FGD6: variants seen among roughly 807,000 people sequenced by gnomAD.
FGD6 encodes the protein FYVE, RhoGEF and PH domain containing 6, also known as FYVE, RhoGEF and PH domain-containing protein 6.
FGD6 carries 90 observed loss-of-function variants against 149.4 expected under a neutral mutation model. The ratio of observed to expected loss-of-function variants is 0.60; its 90% confidence interval spans 0.51 to 0.72. FGD6 has a LOEUF of 0.72. FGD6 is among the 30% of genes least tolerant of loss of function. The pLI is 0.00. For missense variants in FGD6, 1,437 were observed against 1,684.8 expected, an observed-to-expected ratio of 0.85 and a Z score of 2.57; for synonymous variants, 527 against 584.0, an observed-to-expected ratio of 0.90 and a Z score of 1.41.
At chr12:95,113,030 G>C (rs1018400883) in intron 9 of FGD6, among the ~76,000 whole-genome samples, 1 of 152,060 alleles carries the variant, frequency 6.6e-6, no homozygotes, top group Non-Finnish European at 1.5e-5. Flanking sequence ...CACGGGCACA[G>C]AGTGACTGAG....
chr12:95,184,747 A>C (rs1881379018), intron 2 of FGD6, among the ~76,000 whole-genome samples: 1 of 151,798 alleles, frequency 6.6e-6, no homozygotes, highest in African/African-American at 2.4e-5. Flanking sequence ...AAGCCCAACT[A>C]ATTTTTTATA....
Position 95,092,764 on chromosome 12 carries a change from A to G in FGD6, c.3682T>C (p.Cys1228Arg), listed in dbSNP as rs1878099924. 1 of 1,614,034 alleles carries G rather than the reference A, an allele frequency of 6.2e-7. No individual in the cohort carries two copies. The highest frequency in any genetic ancestry group is 1.3e-5 in the African/African-American group (1 of 74,918). Residue 1228 changes from cysteine to arginine, a missense_variant, in exon 16 of 21, where the codon TGT (cysteine) becomes CGT (arginine). This residue lies in a region of FGD6 where 382 missense variants were observed against 538.7 expected (regional missense o/e 0.71). Coordinates refer to ENST00000343958, the MANE Select transcript of FGD6 (RefSeq NM_018351.4). Reference sequence around the variant, plus strand: ...GTGAATTCGCTTGTGCAGATCATACACATTGTGGCTCTGGTATCAGGAATC... The same window carrying G: ...GTGAATTCGCTTGTGCAGATCATACGCATTGTGGCTCTGGTATCAGGAATC... ...IWIPDTRATM[C>R]MICTSEFTLT...
chr12:95,108,262 A>G, intron 11 of FGD6, 86 bp downstream of exon 11: 3 of 1,203,546 alleles, frequency 2.5e-6, no homozygotes, highest in South Asian at 2.9e-5. Context: ...AACAAAAACA[A>G]CCTATTTTTA....
chr12:95,199,293 A>C (rs1344637888), intron 2 of FGD6, among the ~76,000 whole-genome samples: 8 of 152,198 alleles, frequency 5.3e-5, no homozygotes, highest in Non-Finnish European at 5.9e-5. Flanking sequence ...TGATTCCTTT[A>C]GTTCTAAACT....
Position 95,092,724 on chromosome 12 carries a change from C to T in FGD6, c.3722G>A (p.Arg1241Gln), listed in dbSNP as rs1223472841. Residue 1241 changes from arginine (R) to glutamine (Q), a missense_variant, in exon 16 of 21, where the codon CGA becomes CAA. Around this residue, in one of 2 missense-constraint regions of FGD6, gnomAD observed 382 missense variants for 538.7 expected, o/e 0.71. Coordinates refer to ENST00000343958, the MANE Select transcript of FGD6 (RefSeq NM_018351.4). ...CTSEFTLTWRRHHCRACGKIV... is the reference protein window; with the variant it reads ...CTSEFTLTWRQHHCRACGKIV... Reference sequence around the variant, plus strand: ...CTTTCCACAGGCCCGGCAGTGGTGTCGTCTCCAGGTGAGAGTGAATTCGCT... The same window carrying T: ...CTTTCCACAGGCCCGGCAGTGGTGTTGTCTCCAGGTGAGAGTGAATTCGCT... 3 of 1,614,070 alleles carry T rather than the reference C, an allele frequency of 1.9e-6. No individual in the cohort carries two copies. The highest frequency in any genetic ancestry group is 2.2e-5 in the East Asian group (1 of 44,882).
At chr12:95,089,223 T>TAAATGCTAACA (rs1877972295) in intron 18 of FGD6, among the ~76,000 whole-genome samples, 1 of 152,224 alleles carries the variant, frequency 6.6e-6, no homozygotes, top group Non-Finnish European at 1.5e-5. Flanking sequence ...TGCAGATCAC[T>TAAATGCTAACA]AAATGCTAAC....
chr12:95,098,347 A>T (rs971612589), intron 14 of FGD6, among the ~76,000 whole-genome samples: 1 of 152,184 alleles, frequency 6.6e-6, no homozygotes, highest in African/African-American at 2.4e-5. Context: ...TCCATGCAGC[A>T]GCCGGATACT....
At chr12:95,178,380 G>C (rs755361108) in intron 2 of FGD6, among the ~76,000 whole-genome samples, 30 of 152,164 alleles carry the variant, frequency 2.0e-4, no homozygotes, top group Non-Finnish European at 4.0e-4. Flanking sequence ...CCTGAGTGCT[G>C]GTAGGTAAAG....
intron 8 of FGD6, among the ~76,000 whole-genome samples, chr12:95,131,265 T>C (rs1879513208): frequency 6.6e-6 from 1 of 152,026 alleles, no homozygotes; most frequent in South Asian, 2.1e-4. Flanking sequence ...TGTGCCACCA[T>C]GCCTGGCTGA....
chr12:95,095,090 C>T (rs1452239971), intron 14 of FGD6, among the ~76,000 whole-genome samples: 4 of 152,168 alleles, frequency 2.6e-5, no homozygotes, highest in African/African-American at 7.2e-5. Context: ...AGTCAAGTTT[C>T]AAATTCCAAT....
chr12:95,090,507 A>C (rs1450152645), intron 17 of FGD6, among the ~76,000 whole-genome samples: 1 of 152,204 alleles, frequency 6.6e-6, no homozygotes, highest in Non-Finnish European at 1.5e-5. Context: ...TGGAGAAATC[A>C]AGACAAAGAT....
intron 8 of FGD6, among the ~76,000 whole-genome samples, chr12:95,129,307 G>GCATCCATC (rs1292571167): frequency 8.4e-5 from 12 of 142,224 alleles, no homozygotes; most frequent in South Asian, 4.7e-4. Flanking sequence ...ATGCATGCAT[G>GCATCCATC]CATGCATCCA....
intron 8 of FGD6, among the ~76,000 whole-genome samples, chr12:95,119,561 GC>G (rs1879122655): frequency 6.6e-6 from 1 of 152,186 alleles, no homozygotes; most frequent in Non-Finnish European, 1.5e-5. Context: ...CCTTATACCT[GC>G]TGTCCAGGCA....
rs1479632699 is a variant in FGD6 at position 95,079,429 on chromosome 12, T to A, written c.*2091A>T. The A allele has an allele frequency of 1.3e-5, 2 of 152,232 alleles. No homozygotes were observed. Among genetic ancestry groups the A allele is most frequent in the African/African-American group, 2.4e-5 (1 of 41,450 alleles). 9.4% of individuals were successfully genotyped at this position (152,232 alleles called of 1,614,324 possible). ...GAAGATAGAATAGCCTGGCTGATAT[T>A]TTTTAGATTATAAGGCTTAAGCCAA... is the stretch of plus-strand genomic sequence containing the variant. On this transcript the variant is annotated 3_prime_UTR_variant, in exon 21 of 21. Coordinates refer to ENST00000343958, the MANE Select transcript of FGD6 (RefSeq NM_018351.4).
intron 3 of FGD6, among the ~76,000 whole-genome samples, chr12:95,166,844 GTTCT>G (rs902055117): frequency 2.0e-5 from 3 of 146,692 alleles, no homozygotes; most frequent in Non-Finnish European, 4.5e-5. Flanking sequence ...TAGTATTTGG[GTTCT>G]TTCTACTTTT....
chr12:95,160,918 C>T (rs1308172514), intron 3 of FGD6, among the ~76,000 whole-genome samples: 1 of 151,946 alleles, frequency 6.6e-6, no homozygotes, highest in Non-Finnish European at 1.5e-5. Flanking sequence ...CATGGTGGCT[C>T]ATGCCTGTAA....
chr12:95,186,225 CTTCTTTTTTTTTTTTTTTTTTTTTT>C (rs1380204258), intron 2 of FGD6, among the ~76,000 whole-genome samples: 13 of 71,186 alleles, frequency 1.8e-4, no homozygotes, highest in South Asian at 1.4e-3. Flanking sequence ...TTATATTCTT[CTTCTTTTTTTTTTTTTTTTTTTTTT>C]TTTTTTTTTT....
At chr12:95,177,444 G>C (rs140663229) in intron 2 of FGD6, among the ~76,000 whole-genome samples, 2 of 152,276 alleles carry the variant, frequency 1.3e-5, no homozygotes, top group East Asian at 3.9e-4. Context: ...CAAGCTTGAA[G>C]AAAGAAGTTC....
At chr12:95,126,183 A>G in intron 8 of FGD6, 1 of 1,117,378 alleles carries the variant, frequency 8.9e-7, no homozygotes, top group Middle Eastern at 2.3e-4. Context: ...TTCTCTCAAA[A>G]AAGCACCTGT....
Sources: gnomAD v4.1 joint callset for allele counts (sites outside exome capture counted in the v4.1 genomes callset) on GRCh38, gnomAD v4.1.1 for gene constraint, gnomAD v4.1.1 regional missense constraint, MANE v1.5 for transcripts, NCBI Gene and HGNC (gene_info 2026-07-23, HGNC 2026-07-21) for gene names.